Variants in GGACT observed in about 807,000 individuals in gnomAD.
GGACT encodes gamma-glutamylamine cyclotransferase.
For synonymous variants in GGACT, 118 were observed against 115.3 expected, an observed-to-expected ratio of 1.02 and a Z score of -0.15; for missense variants, 241 against 233.2, an observed-to-expected ratio of 1.03 and a Z score of -0.22.
intron 2 of GGACT, among the ~76,000 whole-genome samples, chr13:100,558,972 T>C (rs2088734500): frequency 6.6e-6 from 1 of 152,068 alleles, no homozygotes; most frequent in South Asian, 2.1e-4. Flanking sequence ...AATTGGGGTG[T>C]AGGGGTGGTG....
intron 2 of GGACT, chr13:100,538,903 T>C (rs1203735776): frequency 6.6e-6 from 1 of 152,274 alleles, no homozygotes; most frequent in African/African-American, 2.4e-5. Flanking sequence ...CTTTCAGCAA[T>C]GTGTTGTACT....
At chr13:100,549,154 C>A (rs2088635081) in intron 2 of GGACT, among the ~76,000 whole-genome samples, 1 of 152,080 alleles carries the variant, frequency 6.6e-6, no homozygotes, top group Non-Finnish European at 1.5e-5. Context: ...TCGAGACCAG[C>A]CAAACATGGT....
chr13:100,563,631 C>A (rs1010533451), intron 2 of GGACT, among the ~76,000 whole-genome samples: 1 of 152,176 alleles, frequency 6.6e-6, no homozygotes, highest in Non-Finnish European at 1.5e-5. Flanking sequence ...GCCTGAGCAA[C>A]ACAGTTAAGA....
At chr13:100,537,640 G>A (rs2088509575) in intron 2 of GGACT, 1 of 152,252 alleles carries the variant, frequency 6.6e-6, no homozygotes, top group Non-Finnish European at 1.5e-5. Context: ...CTTGTCAAAG[G>A]GCGCCTCGCG....
intron 2 of GGACT, chr13:100,539,566 GC>G (rs2088530017): frequency 1.6e-5 from 5 of 310,076 alleles, no homozygotes; most frequent in Middle Eastern, 9.5e-4. Context: ...CTTGGCCATT[GC>G]ATATAATCCT....
At chr13:100,574,871 G>A (rs1875202230) in intron 2 of GGACT, among the ~76,000 whole-genome samples, 1 of 151,622 alleles carries the variant, frequency 6.6e-6, no homozygotes, top group Non-Finnish European at 1.5e-5. Flanking sequence ...TCATACTTAT[G>A]TGTATTAAAA....
chr13:100,573,180 A>C (rs920526255), intron 2 of GGACT, among the ~76,000 whole-genome samples: 1 of 152,154 alleles, frequency 6.6e-6, no homozygotes, highest in Admixed American at 6.5e-5. Flanking sequence ...CACTGGACTT[A>C]GCTCTCCACA....
chr13:100,543,483 G>A (rs2088574238), intron 2 of GGACT, among the ~76,000 whole-genome samples: 1 of 152,054 alleles, frequency 6.6e-6, no homozygotes, highest in African/African-American at 2.4e-5. Flanking sequence ...TAGATTGCAG[G>A]CATGAGCCAG....
At chr13:100,585,339 T>C (rs755259123) in intron 1 of GGACT, among the ~76,000 whole-genome samples, 1 of 152,212 alleles carries the variant, frequency 6.6e-6, no homozygotes. Context: ...CTTATCCATT[T>C]ACTATCACCC....
chr13:100,576,169 T>C (rs1875241840), intron 2 of GGACT, among the ~76,000 whole-genome samples: 1 of 152,182 alleles, frequency 6.6e-6, no homozygotes, highest in Non-Finnish European at 1.5e-5. Context: ...TGAAAACAGG[T>C]ATATGAATTT....
chr13:100,531,699 C>T lies in GGACT; in HGVS notation c.*431G>A, dbSNP rs1056578986. 3.7e-5 allele frequency: 6 copies of T among 163,444 alleles called. No individual in the cohort carries two copies. Among genetic ancestry groups the T allele is most frequent in the African/African-American group, 1.4e-4 (6 of 41,978 alleles). 10.1% of individuals were successfully genotyped at this position (163,444 alleles called of 1,614,324 possible). A position where few individuals can be genotyped will look rare whatever the true frequency, so the allele number is the denominator to read the frequency against. On this transcript the variant is annotated 3_prime_UTR_variant, in exon 3 of 3. Coordinates refer to ENST00000683975, the MANE Select transcript of GGACT (RefSeq NM_001195087.2). ...GTGGATCTTTTCTACAAATTCTACC[C>T]AGCCGTGTAAAATCGGCTTTCTCAG...
rs1763132327 is a variant in GGACT at position 100,545,623 on chromosome 13, GCTGCCACTATC to G, written c.-10-13033_-10-13023del. Among the ~76,000 whole-genome samples, 1 of 152,270 alleles carries G rather than the reference GCTGCCACTATC, an allele frequency of 6.6e-6. No homozygotes were observed. The highest frequency in any genetic ancestry group is 2.1e-4 in the South Asian group (1 of 4,838). On this transcript the variant is annotated intron_variant, in intron 2 of 2. Transcript: ENST00000683975. The surrounding 1 kb of genome is among the most constrained non-coding windows in gnomAD (Gnocchi z 4.4). ...TGTGCCATGGAACTGGCACTCAGAA[GCTGCCACTATC>G]CTGAAATTCCCGATTTTGTCTTTGT...
At chr13:100,583,163 A>G (rs1157356675) in intron 2 of GGACT, among the ~76,000 whole-genome samples, 1 of 152,190 alleles carries the variant, frequency 6.6e-6, no homozygotes, top group African/African-American at 2.4e-5. Flanking sequence ...TCCCCCTTCA[A>G]TAATCTTTTT....
At chr13:100,580,028 GCCTGCTGGGTCTAGA>G (rs1875368256) in intron 2 of GGACT, 1 of 152,166 alleles carries the variant, frequency 6.6e-6, no homozygotes, top group Non-Finnish European at 1.5e-5. Flanking sequence ...GGAAAGAGGG[GCCTGCTGGGTCTAGA>G]CCTGATGGGT....
In GGACT at chr13:100,585,790, A is replaced by G. The variant is rs532585765; in HGVS notation, c.-183-1793T>C. Among the ~76,000 whole-genome samples, 198 of 147,050 alleles carry G rather than the reference A, an allele frequency of 1.3e-3. 2 individuals are homozygous for G. Among genetic ancestry groups the G allele is most frequent in the African/African-American group, 4.2e-3 (168 of 40,316 alleles). ...TCCGTCTCAGGAAGGAAAAAAAAAAAAAAGACCAGCCTGGGCAATACCTGT... is the reference window on the plus strand; with the variant it reads ...TCCGTCTCAGGAAGGAAAAAAAAAAGAAAGACCAGCCTGGGCAATACCTGT... On this transcript the variant is annotated intron_variant, in intron 1 of 2. Transcript: ENST00000683975.
chr13:100,533,660 G>A (rs940190993), intron 2 of GGACT: 2 of 152,226 alleles, frequency 1.3e-5, no homozygotes, highest in African/African-American at 2.4e-5. Context: ...ACACCTTCTG[G>A]TGTTTCCCCT....
intron 2 of GGACT, among the ~76,000 whole-genome samples, chr13:100,572,712 G>A (rs1011043935): frequency 5.9e-5 from 9 of 152,088 alleles, no homozygotes; most frequent in African/African-American, 1.9e-4. Flanking sequence ...GACTACAGGC[G>A]TGCACCACCA....
chr13:100,565,344 C>T (rs2088801067), intron 2 of GGACT, among the ~76,000 whole-genome samples: 1 of 152,178 alleles, frequency 6.6e-6, no homozygotes, highest in South Asian at 2.1e-4. Context: ...GTCCAGTCAA[C>T]CTACCTGACA....
intron 2 of GGACT, among the ~76,000 whole-genome samples, chr13:100,564,502 C>T (rs1343480304): frequency 6.6e-6 from 1 of 152,088 alleles, no homozygotes; most frequent in Non-Finnish European, 1.5e-5. Context: ...AAAAGGAAAA[C>T]AAAATATGTG....
Sources: gnomAD v4.1 joint callset for allele counts (sites outside exome capture counted in the v4.1 genomes callset) on GRCh38, gnomAD v4.1.1 for gene constraint, Gnocchi (gnomAD v3.1) non-coding constraint, MANE v1.5 for transcripts, NCBI Gene and HGNC (gene_info 2026-07-23, HGNC 2026-07-21) for gene names.